The following PATJ variants were observed in gnomAD, a reference collection of about 807,000 sequenced individuals.
PATJ encodes PATJ crumbs cell polarity complex component.
Under a neutral mutation model 224.9 loss-of-function variants are expected in PATJ, and 190 were observed. That is an observed-to-expected ratio of 0.84 (90% confidence interval 0.75 to 0.95). The LOEUF (loss-of-function observed/expected upper bound fraction) is 0.95. Ranked by LOEUF, PATJ falls within the 40% of genes least tolerant of loss-of-function variation. The probability of loss-of-function intolerance (pLI) is 0.00; values close to 1 mark genes in which losing one functional copy is unlikely to be tolerated. For missense variants in PATJ, 2,121 were observed against 2,270.3 expected, an observed-to-expected ratio of 0.93 and a Z score of 1.34; for synonymous variants, 769 against 820.3, an observed-to-expected ratio of 0.94 and a Z score of 1.07.
At chr1:62,003,326 A>G (rs1645903556) in intron 28 of PATJ, among the ~76,000 whole-genome samples, 1 of 152,258 alleles carries the variant, frequency 6.6e-6, no homozygotes, top group Non-Finnish European at 1.5e-5. Flanking sequence ...GTCAGGGTTT[A>G]GAATTCAAAA....
At chr1:62,107,226 A>G (rs1663186654) in intron 33 of PATJ, among the ~76,000 whole-genome samples, 1 of 151,974 alleles carries the variant, frequency 6.6e-6, no homozygotes, top group African/African-American at 2.4e-5. Flanking sequence ...GAATGGCGTG[A>G]ACCCAGGAGA....
At chr1:62,087,329 C>G (rs1570530002) in intron 33 of PATJ, among the ~76,000 whole-genome samples, 1 of 152,084 alleles carries the variant, frequency 6.6e-6, no homozygotes, top group South Asian at 2.1e-4. Context: ...CTCAGTCAAG[C>G]TGCTTCTCTC....
At chr1:62,134,394 G>A (rs2984823) in intron 41 of PATJ, among the ~76,000 whole-genome samples, 105,151 of 145,400 alleles carry the variant, frequency 0.72, 38,194 homozygotes, top group East Asian at 0.82. Context: ...TGCCCAGGCT[G>A]GAGTGCAATG....
chr1:61,788,181 G>A (rs866065243), intron 8 of PATJ, among the ~76,000 whole-genome samples: 1 of 152,206 alleles, frequency 6.6e-6, no homozygotes, highest in Non-Finnish European at 1.5e-5. Flanking sequence ...GCCTCCCTGA[G>A]CGTCAGTGAC....
intron 27 of PATJ, among the ~76,000 whole-genome samples, chr1:61,975,169 T>A (rs1030740629): frequency 6.6e-6 from 1 of 151,892 alleles, no homozygotes; most frequent in African/African-American, 2.4e-5. Context: ...CTGGTCTCGA[T>A]CTCCTGGGCT....
chr1:62,110,991 A>C (rs562773754), intron 34 of PATJ, among the ~76,000 whole-genome samples: 3 of 152,310 alleles, frequency 2.0e-5, no homozygotes, highest in Non-Finnish European at 4.4e-5. Context: ...TATTTCTCTC[A>C]TGATTATCGG....
chr1:62,134,721 TG>T (rs2148969276), intron 41 of PATJ, among the ~76,000 whole-genome samples: 1 of 152,290 alleles, frequency 6.6e-6, no homozygotes, highest in East Asian at 1.9e-4. Context: ...TGGGTGTTGA[TG>T]TCCTTCCAGA....
chr1:61,852,448 TG>T (rs1662980797), intron 17 of PATJ: 2 of 152,214 alleles, frequency 1.3e-5, no homozygotes, highest in Non-Finnish European at 2.9e-5. Context: ...ATGGGGATTT[TG>T]TTTTTAGTAG....
At chr1:61,844,861 T>C (rs1025835609) in intron 17 of PATJ, among the ~76,000 whole-genome samples, 3 of 152,128 alleles carry the variant, frequency 2.0e-5, no homozygotes, top group African/African-American at 4.8e-5. Context: ...CTCCTGCTGC[T>C]GTGTAAGATG....
chr1:61,973,672 T>G (rs1176550508), intron 27 of PATJ, among the ~76,000 whole-genome samples: 1 of 152,138 alleles, frequency 6.6e-6, no homozygotes, highest in East Asian at 1.9e-4. Flanking sequence ...AGCACATTTC[T>G]ACTGCACTGT....
chr1:62,143,158 T>C (rs1210059239), intron 41 of PATJ, among the ~76,000 whole-genome samples: 1 of 152,042 alleles, frequency 6.6e-6, no homozygotes, highest in African/African-American at 2.4e-5. Context: ...GGATCAGATA[T>C]TCAGAGAGCG....
At chr1:62,117,311 C>G in intron 37 of PATJ, 93 bp downstream of exon 37, 1 of 1,569,628 alleles carries the variant, frequency 6.4e-7, no homozygotes, top group Admixed American at 1.8e-5. Flanking sequence ...GAAATAATAT[C>G]TAATGTACAG....
At chr1:61,865,634 T>C (rs1434217667) in intron 20 of PATJ, 4 of 152,230 alleles carry the variant, frequency 2.6e-5, no homozygotes, top group African/African-American at 9.6e-5. Context: ...AGTCACTAAT[T>C]GGAATCCTTA....
At chr1:61,787,686 A>T in intron 7 of PATJ, 68 bp from the exon 8 acceptor site, 1 of 1,218,570 alleles carries the variant, frequency 8.2e-7, no homozygotes, top group Non-Finnish European at 1.2e-6. Flanking sequence ...TGAAAGTCTG[A>T]TGAATTGTTA....
chr1:62,088,851 T>G (rs1460553334), intron 33 of PATJ, among the ~76,000 whole-genome samples: 1 of 146,772 alleles, frequency 6.8e-6, no homozygotes, highest in African/African-American at 2.5e-5. Context: ...AGAACATATA[T>G]ATATAGAATA....
intron 17 of PATJ, among the ~76,000 whole-genome samples, chr1:61,843,963 C>T (rs954957400): frequency 6.6e-6 from 1 of 152,174 alleles, no homozygotes; most frequent in Non-Finnish European, 1.5e-5. Flanking sequence ...AGCATCTCCT[C>T]TTCCAGGTAT....
chr1:61,837,847 C>T (rs1660429322), intron 17 of PATJ, among the ~76,000 whole-genome samples: 1 of 149,298 alleles, frequency 6.7e-6, no homozygotes, highest in Non-Finnish European at 1.5e-5. Context: ...TTGAATTAGT[C>T]TATAGAACAA....
intron 18 of PATJ, among the ~76,000 whole-genome samples, chr1:61,859,487 A>C (rs1289193521): frequency 1.3e-5 from 2 of 152,080 alleles, no homozygotes; most frequent in African/African-American, 4.8e-5. Context: ...CTCATGAGCT[A>C]TAAATAGTGA....
intron 17 of PATJ, among the ~76,000 whole-genome samples, chr1:61,849,441 A>C (rs111475686): frequency 6.8e-4 from 104 of 152,274 alleles, no homozygotes; most frequent in Non-Finnish European, 1.3e-3. Flanking sequence ...AAAAATTAAA[A>C]ACGATTTAGC....
Sources: allele counts gnomAD v4.1 joint callset (sites outside exome capture counted in the v4.1 genomes callset), GRCh38; gene constraint gnomAD v4.1.1; transcripts MANE v1.5; gene names NCBI Gene and HGNC (gene_info 2026-07-23, HGNC 2026-07-21).